Variants in ROR2 observed in about 807,000 individuals in gnomAD.
ROR2 encodes the protein ROR family WNT receptor 2.
A neutral mutation model predicts 74.9 loss-of-function variants in ROR2; 33 were observed. The ratio of observed to expected loss-of-function variants is 0.44; its 90% CI spans 0.33 to 0.59. The LOEUF (loss-of-function observed/expected upper bound fraction) is 0.59. Among genes scored for constraint, ROR2 ranks in the 20% least tolerant of loss-of-function variants. ROR2 has a pLI of 0.02. For missense variants in ROR2, 1,216 were observed against 1,313.8 expected (o/e 0.93, Z 1.15); for synonymous variants, 586 against 558.7 (o/e 1.05, Z -0.69).
At chr9:91,941,512 T>C (rs2118055203) in intron 1 of ROR2, among the ~76,000 whole-genome samples, 1 of 152,280 alleles carries the variant, frequency 6.6e-6, no homozygotes, top group South Asian at 2.1e-4. Flanking sequence ...GACATCCTCT[T>C]ACACCACCTC....
At chr9:91,899,617 C>T (rs1341708210) in intron 1 of ROR2, among the ~76,000 whole-genome samples, 1 of 152,132 alleles carries the variant, frequency 6.6e-6, no homozygotes, top group Non-Finnish European at 1.5e-5. Context: ...ACAGAGCCTC[C>T]TCCGTCCCCA....
At chr9:91,899,556 C>G (rs891311056) in intron 1 of ROR2, among the ~76,000 whole-genome samples, 3 of 152,142 alleles carry the variant, frequency 2.0e-5, no homozygotes, top group African/African-American at 7.2e-5. Flanking sequence ...TGCTTAAGAG[C>G]TGAGCAGCAG....
At chr9:91,890,159 G>C (rs1830389905) in intron 1 of ROR2, among the ~76,000 whole-genome samples, 1 of 152,198 alleles carries the variant, frequency 6.6e-6, no homozygotes, top group African/African-American at 2.4e-5. Flanking sequence ...CTGGAAGAAA[G>C]TCAGAAGAGA....
intron 2 of ROR2, among the ~76,000 whole-genome samples, chr9:91,768,327 C>T (rs146870398): frequency 6.6e-6 from 1 of 152,304 alleles, no homozygotes; most frequent in African/African-American, 2.4e-5. Context: ...GAAAGAAGAA[C>T]GGCTGTAGAA....
At chr9:91,732,755 AGCTG>A (rs1319205999) in intron 6 of ROR2, among the ~76,000 whole-genome samples, 1 of 152,170 alleles carries the variant, frequency 6.6e-6, no homozygotes. Flanking sequence ...CAAGTTAGGA[AGCTG>A]GCCCTGTCTC....
chr9:91,786,435 T>A (rs1826807128), intron 1 of ROR2, among the ~76,000 whole-genome samples: 1 of 152,136 alleles, frequency 6.6e-6, no homozygotes, highest in Non-Finnish European at 1.5e-5. Context: ...ATATCTAGGA[T>A]GAACTTGCTC....
chr9:91,833,686 A>T (rs73651566), intron 1 of ROR2, among the ~76,000 whole-genome samples: 16,437 of 151,978 alleles, frequency 0.11, 1,884 homozygotes, highest in African/African-American at 0.29. Flanking sequence ...GCCAGCCTCC[A>T]ACTGATCAGC....
intron 1 of ROR2, among the ~76,000 whole-genome samples, chr9:91,910,313 T>C (rs1361956118): frequency 2.0e-5 from 3 of 152,230 alleles, no homozygotes; most frequent in African/African-American, 7.2e-5. Flanking sequence ...GCCAGACTTA[T>C]CAAACAACTC....
chr9:91,757,156 G>A, intron 3 of ROR2, 116 bp downstream of exon 3: 1 of 1,359,222 alleles, frequency 7.4e-7, no homozygotes, highest in Non-Finnish European at 1.0e-6. Flanking sequence ...CGGTTTCATT[G>A]CTCTCCCCTC....
intron 1 of ROR2, among the ~76,000 whole-genome samples, chr9:91,818,879 A>G (rs1828035987): frequency 6.6e-6 from 1 of 152,042 alleles, no homozygotes; most frequent in Non-Finnish European, 1.5e-5. Flanking sequence ...CCTACCCATG[A>G]GCAGCTTGGG....
At chr9:91,811,213 C>T (rs548540815) in intron 1 of ROR2, among the ~76,000 whole-genome samples, 187 of 152,358 alleles carry the variant, frequency 1.2e-3, no homozygotes, top group Admixed American at 3.1e-3. Flanking sequence ...TCTGCCAGCC[C>T]TCCGTGCAGT....
At chr9:91,736,403 C>T (rs1732542183) in intron 5 of ROR2, among the ~76,000 whole-genome samples, 1 of 152,202 alleles carries the variant, frequency 6.6e-6, no homozygotes, top group South Asian at 2.1e-4. Context: ...CACCCCTTAA[C>T]AGGTCAGTGC....
intron 1 of ROR2, among the ~76,000 whole-genome samples, chr9:91,935,456 C>T (rs1831658927): frequency 6.6e-6 from 1 of 152,278 alleles, no homozygotes; most frequent in Non-Finnish European, 1.5e-5. Context: ...CCTAACACAG[C>T]CTCCCCAGGA....
rs139915017 is a variant in ROR2, at chr9:91,724,220, C to A, written c.2274G>T (p.Ser758=). 4.3e-6 allele frequency: 7 copies of A among 1,613,338 alleles called. No homozygotes were observed. In the East Asian group the frequency reaches 1.3e-4, roughly 31 times the overall value. The change falls in exon 9 of 9, where the codon TCG becomes TCT. Residue 758 remains serine, a synonymous_variant. Transcript: ENST00000375708. ...AWGNLSNYNS[S]AQTSGASNTT... is the part of the protein sequence containing the mutation. ...TGTTGCTGGCCCCCGAGGTCTGCGC[C>A]GAGCTGTTGTAGTTGGAAAGGTTGC...
chr9:91,866,417 CTTTT>C (rs59024037), intron 1 of ROR2, among the ~76,000 whole-genome samples: 11,399 of 103,762 alleles, frequency 0.11, 941 homozygotes, highest in African/African-American at 0.33. Flanking sequence ...CACGCCCAGT[CTTTT>C]TTTTTTTTTT....
At chr9:91,800,274 G>A (rs61577198) in intron 1 of ROR2, among the ~76,000 whole-genome samples, 4,098 of 152,006 alleles carry the variant, frequency 0.027, 193 homozygotes, top group African/African-American at 0.093. Context: ...CCCGGGAGGC[G>A]GAGGTTGCAA....
chr9:91,942,699 T>A (rs556939145), intron 1 of ROR2, among the ~76,000 whole-genome samples: 1 of 152,294 alleles, frequency 6.6e-6, no homozygotes, highest in East Asian at 1.9e-4. Flanking sequence ...CATCCTGTAT[T>A]TACAGTGGTC....
intron 1 of ROR2, among the ~76,000 whole-genome samples, chr9:91,849,489 C>A (rs1256865721): frequency 6.6e-6 from 1 of 152,236 alleles, no homozygotes; most frequent in East Asian, 1.9e-4. Flanking sequence ...GGGCTCTGAC[C>A]CTGATTCCCA....
intron 7 of ROR2, among the ~76,000 whole-genome samples, chr9:91,727,634 GA>G (rs1421674643): frequency 6.6e-6 from 1 of 152,182 alleles, no homozygotes; most frequent in Non-Finnish European, 1.5e-5. Flanking sequence ...AAGCCTGGTG[GA>G]AGGTGAGTTC....
Sources: gnomAD v4.1 joint callset for allele counts (sites outside exome capture counted in the v4.1 genomes callset) on GRCh38, gnomAD v4.1.1 for gene constraint, MANE v1.5 for transcripts, NCBI Gene and HGNC (gene_info 2026-07-23, HGNC 2026-07-21) for gene names.